PTPRM: variants seen among roughly 807,000 people sequenced by gnomAD.
The protein encoded by PTPRM is receptor-type tyrosine-protein phosphatase mu.
In PTPRM, 47 loss-of-function variants were observed where a neutral mutation model predicts 186.7. The observed-to-expected ratio is 0.25, with a 90% CI of 0.20 to 0.32. The LOEUF is 0.32. Ranked by LOEUF, PTPRM falls within the 10% of genes least tolerant of loss-of-function variation. The probability of loss-of-function intolerance (pLI) is 1.00; values close to 1 mark genes in which losing one functional copy is unlikely to be tolerated. For synonymous variants in PTPRM, 668 were observed against 674.9 expected (o/e 0.99, Z 0.16); for missense variants, 1,494 against 1,865.0 (o/e 0.80, Z 3.66).
chr18:7,830,567 A>G (rs979457316), intron 2 of PTPRM, among the ~76,000 whole-genome samples: 8 of 152,200 alleles, frequency 5.3e-5, no homozygotes, highest in Non-Finnish European at 1.0e-4. Flanking sequence ...TGTTGACAGG[A>G]AAGTCGTTAG....
intron 29 of PTPRM, among the ~76,000 whole-genome samples, chr18:8,382,265 T>A (rs1280840850): frequency 1.3e-5 from 2 of 152,208 alleles, no homozygotes; most frequent in East Asian, 1.9e-4. Flanking sequence ...TAGAATGCAA[T>A]GTGCCAAGAG....
chr18:7,576,199 T>C (rs1004490588), intron 1 of PTPRM, among the ~76,000 whole-genome samples: 1 of 152,234 alleles, frequency 6.6e-6, no homozygotes, highest in Non-Finnish European at 1.5e-5. Flanking sequence ...ATTTACTTTT[T>C]ATGGGCTGCA....
At chr18:7,940,721 A>C (rs2052117377) in intron 5 of PTPRM, among the ~76,000 whole-genome samples, 1 of 151,876 alleles carries the variant, frequency 6.6e-6, no homozygotes. Flanking sequence ...CCTGTACTCC[A>C]AAATCTATAA....
intron 7 of PTPRM, among the ~76,000 whole-genome samples, chr18:8,007,728 G>A (rs2084274529): frequency 6.6e-6 from 1 of 152,154 alleles, no homozygotes; most frequent in Admixed American, 6.5e-5. Context: ...TCAGTGGTGG[G>A]GGCCTCTAGG....
chr18:7,913,605 C>A (rs966298941), intron 4 of PTPRM, among the ~76,000 whole-genome samples: 4 of 152,096 alleles, frequency 2.6e-5, no homozygotes, highest in Non-Finnish European at 5.9e-5. Context: ...TATATTCTGG[C>A]ATATTATATT....
chr18:8,336,869 C>T (rs567541337), intron 22 of PTPRM, among the ~76,000 whole-genome samples: 1 of 151,894 alleles, frequency 6.6e-6, no homozygotes, highest in Admixed American at 6.6e-5. Flanking sequence ...CTCAGCTACT[C>T]AGAAGGCTGA....
intron 32 of PTPRM, among the ~76,000 whole-genome samples, chr18:8,395,049 A>G (rs1403629120): frequency 6.6e-6 from 1 of 152,220 alleles, no homozygotes; most frequent in Non-Finnish European, 1.5e-5. Flanking sequence ...GCATTTAATT[A>G]TGGTGGCCAT....
chr18:7,605,021 G>A (rs1275216201), intron 1 of PTPRM, among the ~76,000 whole-genome samples: 1 of 152,178 alleles, frequency 6.6e-6, no homozygotes, highest in African/African-American at 2.4e-5. Flanking sequence ...CAGAGAAAAA[G>A]TTTCAGTGCA....
At chr18:7,692,682 C>T (rs1441566208) in intron 1 of PTPRM, among the ~76,000 whole-genome samples, 4 of 152,198 alleles carry the variant, frequency 2.6e-5, no homozygotes, top group Non-Finnish European at 5.9e-5. Context: ...CTACTATAGT[C>T]ACAAAGTCCT....
At chr18:7,768,640 A>C (rs2042127752) in intron 1 of PTPRM, among the ~76,000 whole-genome samples, 2 of 105,616 alleles carry the variant, frequency 1.9e-5, no homozygotes, top group Non-Finnish European at 3.4e-5. Flanking sequence ...AAAGATATAT[A>C]TATATATATT....
intron 1 of PTPRM, among the ~76,000 whole-genome samples, chr18:7,752,170 T>C (rs1019812677): frequency 6.6e-5 from 10 of 152,228 alleles, no homozygotes; most frequent in African/African-American, 2.4e-4. Context: ...TTCAACTCTT[T>C]ATCTCATCTT....
At chr18:8,136,444 G>A (rs558278935) in intron 13 of PTPRM, among the ~76,000 whole-genome samples, 2 of 152,150 alleles carry the variant, frequency 1.3e-5, no homozygotes, top group African/African-American at 4.8e-5. Context: ...AAATGAGGCA[G>A]TAACTGTCAT....
intron 22 of PTPRM, among the ~76,000 whole-genome samples, chr18:8,341,619 T>C (rs1399795855): frequency 6.6e-6 from 1 of 152,038 alleles, no homozygotes; most frequent in Non-Finnish European, 1.5e-5. Flanking sequence ...ACTAGAGCCA[T>C]TGTCATCAGA....
chr18:7,861,308 C>G (rs2047368976), intron 2 of PTPRM, among the ~76,000 whole-genome samples: 1 of 151,924 alleles, frequency 6.6e-6, no homozygotes, highest in African/African-American at 2.4e-5. Flanking sequence ...TAAGTTTCTG[C>G]TTATAAAGTA....
At position 8,164,894 on chromosome 18, in the gene PTPRM, C is replaced by A. The variant is rs755316717; in HGVS notation, c.2300+21115C>A. Among the ~76,000 whole-genome samples the A allele has an allele frequency of 3.6e-4, 10 of 28,052 alleles. No homozygotes were observed. In the Admixed American group the frequency reaches 4.2e-3, roughly 12 times the overall value. 18.4% of individuals were successfully genotyped at this position (28,052 alleles called of 152,430 possible). ...AATAAATATCTTCTAAGGCCAGGCG[C>A]AGTGGCACATGCCTAATCCCAGCAC... On this transcript the variant is annotated intron_variant, in intron 14 of 32. Transcript: ENST00000580170.
intron 9 of PTPRM, among the ~76,000 whole-genome samples, chr18:8,079,555 G>A (rs576474567): frequency 6.6e-6 from 1 of 152,032 alleles, no homozygotes; most frequent in Non-Finnish European, 1.5e-5. Context: ...AATATAAAAT[G>A]GATGCAGTTT....
chr18:7,587,493 CAA>C (rs1331690543), intron 1 of PTPRM, among the ~76,000 whole-genome samples: 1 of 151,764 alleles, frequency 6.6e-6, no homozygotes, highest in Non-Finnish European at 1.5e-5. Flanking sequence ...TTGTTGAAAG[CAA>C]AAATTGGGAA....
chr18:8,369,968 A>C (rs1364341206), intron 23 of PTPRM, among the ~76,000 whole-genome samples: 1 of 152,132 alleles, frequency 6.6e-6, no homozygotes, highest in Non-Finnish European at 1.5e-5. Context: ...AAAACAAAAC[A>C]AAAACAAATA....
intron 10 of PTPRM, among the ~76,000 whole-genome samples, chr18:8,087,151 G>A (rs979553908): frequency 9.9e-5 from 15 of 152,006 alleles, no homozygotes; most frequent in South Asian, 2.1e-4. Flanking sequence ...ATTATCTAGC[G>A]CATGAATTTA....
Sources: gnomAD v4.1 joint callset for allele counts (sites outside exome capture counted in the v4.1 genomes callset) on GRCh38, gnomAD v4.1.1 for gene constraint, MANE v1.5 for transcripts, NCBI Gene and HGNC (gene_info 2026-07-23, HGNC 2026-07-21) for gene names.